The following PLXNA4 variants were observed in gnomAD, a reference collection of about 807,000 sequenced individuals.
PLXNA4 encodes the protein plexin A4, also known as plexin-A4.
PLXNA4 carries 44 observed loss-of-function variants against 191.8 expected under a neutral mutation model. The ratio of observed to expected loss-of-function variants is 0.23; its 90% CI spans 0.18 to 0.29. PLXNA4 has a LOEUF of 0.29. Ranked by LOEUF, PLXNA4 falls within the 10% of genes least tolerant of loss-of-function variation. The probability of loss-of-function intolerance (pLI) is 1.00; values close to 1 mark genes in which losing one functional copy is unlikely to be tolerated. For synonymous variants in PLXNA4, 1,082 were observed against 1,009.5 expected (o/e 1.07, Z -1.36); for missense variants, 1,800 against 2,488.8 (o/e 0.72, Z 5.89).
At chr7:132,552,081 C>T (rs1800586507) in intron 1 of PLXNA4, among the ~76,000 whole-genome samples, 1 of 152,180 alleles carries the variant, frequency 6.6e-6, no homozygotes, top group African/African-American at 2.4e-5. Flanking sequence ...AGCCAAGATG[C>T]AGCCGAAGTT....
chr7:132,627,618 C>T (rs963501491), intron 2 of PLXNA4, among the ~76,000 whole-genome samples: 2 of 152,190 alleles, frequency 1.3e-5, no homozygotes, highest in African/African-American at 2.4e-5. Flanking sequence ...GGGCTCCACA[C>T]TTATATATGG....
chr7:132,333,401 A>AGGGAGGTG lies in PLXNA4; in HGVS notation c.1372-35187_1372-35180dup, dbSNP rs776004339. ...TGCATCTTCAGCCAGGAAGAGGAAG[A>AGGGAGGTG]GGGAGGTGGGGAGGTGGGAAGGTAG... On this transcript the variant is annotated intron_variant, in intron 3 of 31. Coordinates refer to ENST00000321063, the MANE Select transcript of PLXNA4 (RefSeq NM_020911.2). Among the ~76,000 whole-genome samples, 265 of 152,288 alleles carry AGGGAGGTG rather than the reference A, an allele frequency of 1.7e-3. 1 individual carries two copies. Among genetic ancestry groups the AGGGAGGTG allele is most frequent in the South Asian group, 0.01 (50 of 4,822 alleles).
chr7:132,554,566 C>A (rs1008417825), intron 1 of PLXNA4, among the ~76,000 whole-genome samples: 9 of 152,218 alleles, frequency 5.9e-5, no homozygotes, highest in African/African-American at 1.9e-4. Flanking sequence ...CGTTTGTCAT[C>A]ATGCAGAGAT....
chr7:132,260,823 T>C (rs1044705508), intron 4 of PLXNA4, among the ~76,000 whole-genome samples: 44 of 152,292 alleles, frequency 2.9e-4, no homozygotes, highest in Admixed American at 1.4e-3. Flanking sequence ...ATTACACATT[T>C]GTCCAAACCC....
chr7:132,523,946 G>C (rs543698033), intron 1 of PLXNA4, among the ~76,000 whole-genome samples: 4 of 152,318 alleles, frequency 2.6e-5, no homozygotes, highest in African/African-American at 9.6e-5. Flanking sequence ...GGGCCCACCT[G>C]GCCCAGGTTG....
chr7:132,249,006 C>G (rs1799154528), intron 4 of PLXNA4, among the ~76,000 whole-genome samples: 1 of 152,218 alleles, frequency 6.6e-6, no homozygotes, highest in South Asian at 2.1e-4. Flanking sequence ...AGGGCAGCAG[C>G]CTTGGCTACC....
At chr7:132,331,579 C>A (rs935908458) in intron 3 of PLXNA4, among the ~76,000 whole-genome samples, 3 of 152,204 alleles carry the variant, frequency 2.0e-5, no homozygotes, top group African/African-American at 7.2e-5. Context: ...TGGTCAGGAG[C>A]AATTTTCTAT....
intron 19 of PLXNA4, 87 bp from the exon 20 acceptor site, chr7:132,180,008 A>G: frequency 6.8e-7 from 1 of 1,478,304 alleles, no homozygotes; most frequent in Admixed American, 2.2e-5. Context: ...ACTAGTGACC[A>G]GGGCAGGATG....
At chr7:132,207,674 C>T (rs951077709) in intron 10 of PLXNA4, among the ~76,000 whole-genome samples, 7 of 152,236 alleles carry the variant, frequency 4.6e-5, no homozygotes, top group African/African-American at 1.4e-4. Context: ...CTCTGCTCTC[C>T]TTTGAGACCA....
At chr7:132,278,496 C>T (rs1291768611) in intron 4 of PLXNA4, among the ~76,000 whole-genome samples, 1 of 152,178 alleles carries the variant, frequency 6.6e-6, no homozygotes, top group Non-Finnish European at 1.5e-5. Flanking sequence ...CAACTAAGCG[C>T]CTACCACCAG....
At chr7:132,343,451 GA>G (rs1803117132) in intron 3 of PLXNA4, among the ~76,000 whole-genome samples, 1 of 152,164 alleles carries the variant, frequency 6.6e-6, no homozygotes, top group African/African-American at 2.4e-5. Flanking sequence ...TTTCTGTCTG[GA>G]AAGTCTTTTT....
intron 3 of PLXNA4, among the ~76,000 whole-genome samples, chr7:132,473,812 G>A (rs1322536486): frequency 6.6e-6 from 1 of 151,424 alleles, no homozygotes; most frequent in Non-Finnish European, 1.5e-5. Context: ...GTAATGAGGG[G>A]TTATCAGAGA....
At chr7:132,545,174 T>C (rs1455557369) in intron 1 of PLXNA4, among the ~76,000 whole-genome samples, 1 of 152,234 alleles carries the variant, frequency 6.6e-6, no homozygotes, top group Non-Finnish European at 1.5e-5. Flanking sequence ...GCTCCTATTG[T>C]CTGCCCCAAG....
chr7:132,622,813 C>T (rs558339884), intron 2 of PLXNA4, among the ~76,000 whole-genome samples: 56 of 152,326 alleles, frequency 3.7e-4, no homozygotes, highest in African/African-American at 1.2e-3. Flanking sequence ...AAGCTGCCCT[C>T]GAGCTCAGGG....
intron 5 of PLXNA4, among the ~76,000 whole-genome samples, chr7:132,234,099 G>A (rs893587937): frequency 6.6e-6 from 1 of 152,060 alleles, no homozygotes; most frequent in Admixed American, 6.5e-5. Context: ...GGAGAGGGAG[G>A]GAACGGCAGG....
chr7:132,582,712 T>C (rs1247945784), intron 2 of PLXNA4, among the ~76,000 whole-genome samples: 1 of 152,224 alleles, frequency 6.6e-6, no homozygotes, highest in Non-Finnish European at 1.5e-5. Flanking sequence ...CCAGACATCA[T>C]GGAGCAGAGA....
chr7:132,373,486 T>C (rs1804529429), intron 3 of PLXNA4, among the ~76,000 whole-genome samples: 1 of 152,216 alleles, frequency 6.6e-6, no homozygotes, highest in Non-Finnish European at 1.5e-5. Context: ...TTTGTGTGTC[T>C]GGCCATCAGC....
intron 2 of PLXNA4, among the ~76,000 whole-genome samples, chr7:132,503,677 A>G (rs1798345632): frequency 6.6e-6 from 1 of 152,208 alleles, no homozygotes; most frequent in East Asian, 1.9e-4. Flanking sequence ...ATAGAGATGC[A>G]CCAGTGATAA....
At chr7:132,392,976 G>C (rs752015497) in intron 3 of PLXNA4, among the ~76,000 whole-genome samples, 1 of 152,134 alleles carries the variant, frequency 6.6e-6, no homozygotes, top group Non-Finnish European at 1.5e-5. Context: ...GCACGAAGGC[G>C]CTTCACAGCT....
Sources: gnomAD v4.1 joint callset for allele counts (sites outside exome capture counted in the v4.1 genomes callset) on GRCh38, gnomAD v4.1.1 for gene constraint, MANE v1.5 for transcripts, NCBI Gene and HGNC (gene_info 2026-07-23, HGNC 2026-07-21) for gene names.